Variants in AFG2A observed in about 807,000 individuals in gnomAD.
AFG2A encodes the protein AAA ATPase AFG2A.
chr4:123,232,290 A>G, the AFG2A span, among the ~76,000 whole-genome samples: 11 of 152,132 alleles, frequency 7.2e-5, no homozygotes, highest in East Asian at 2.1e-3. Context: ...GAGGCACTTC[A>G]ACTTTTAAAT....
At chr4:123,208,340 G>A in the AFG2A span, among the ~76,000 whole-genome samples, 1 of 152,146 alleles carries the variant, frequency 6.6e-6, no homozygotes, top group Non-Finnish European at 1.5e-5. Context: ...ATTCTTAGAG[G>A]AAATCATGGG....
chr4:123,065,732 CT>C, the AFG2A span, among the ~76,000 whole-genome samples: 2 of 151,922 alleles, frequency 1.3e-5, no homozygotes, highest in Non-Finnish European at 2.9e-5. Flanking sequence ...TTTTATGTAA[CT>C]TACTGAAGAA....
chr4:123,027,796 G>GCAT, the AFG2A span, among the ~76,000 whole-genome samples: 1 of 152,128 alleles, frequency 6.6e-6, no homozygotes, highest in Non-Finnish European at 1.5e-5. Context: ...CTTGGAAGTA[G>GCAT]TTTTGCTAAA....
chr4:123,044,777 TTTTTG>T, the AFG2A span, among the ~76,000 whole-genome samples: 1 of 152,138 alleles, frequency 6.6e-6, no homozygotes, highest in Non-Finnish European at 1.5e-5. Flanking sequence ...GTCATTTTTT[TTTTTG>T]TCAATCTTTT....
the AFG2A span, among the ~76,000 whole-genome samples, chr4:123,131,310 TA>T: frequency 6.6e-5 from 10 of 152,166 alleles, no homozygotes; most frequent in Admixed American, 2.6e-4. Context: ...TTTTTAAAAT[TA>T]TTTTTTTATT....
At chr4:123,002,174 C>T in the AFG2A span, among the ~76,000 whole-genome samples, 1 of 151,996 alleles carries the variant, frequency 6.6e-6, no homozygotes, top group African/African-American at 2.4e-5. Context: ...TTCCTCCATC[C>T]TTTTATTTTG....
the AFG2A span, among the ~76,000 whole-genome samples, chr4:123,292,576 C>A: frequency 2.6e-5 from 4 of 152,074 alleles, no homozygotes; most frequent in Non-Finnish European, 4.4e-5. Context: ...TTAATGTTTG[C>A]GGTATAGTCA....
At chr4:123,262,870 C>T in the AFG2A span, among the ~76,000 whole-genome samples, 2 of 152,126 alleles carry the variant, frequency 1.3e-5, no homozygotes, top group Admixed American at 6.5e-5. Context: ...GGAGGAGTAA[C>T]TCACACTACC....
chr4:123,134,735 C>T, the AFG2A span, among the ~76,000 whole-genome samples: 2 of 151,406 alleles, frequency 1.3e-5, no homozygotes, highest in Admixed American at 1.3e-4. Flanking sequence ...CTGAACAGAC[C>T]AATAATTAGT....
the AFG2A span, among the ~76,000 whole-genome samples, chr4:123,123,947 G>T: frequency 5.2e-5 from 4 of 76,768 alleles, no homozygotes; most frequent in Middle Eastern, 0.014. Context: ...GTGAAACTCC[G>T]TCTCAAAAAA....
the AFG2A span, among the ~76,000 whole-genome samples, chr4:123,190,877 T>C: frequency 6.6e-6 from 1 of 152,202 alleles, no homozygotes; most frequent in Admixed American, 6.5e-5. Context: ...AGGATTCAAC[T>C]CTTTCACTGC....
At chr4:123,314,450 T>C in the AFG2A span, 1 of 153,424 alleles carries the variant, frequency 6.5e-6, no homozygotes, top group Non-Finnish European at 1.5e-5. Context: ...TGGATAAATT[T>C]TTTGTAATCT....
At chr4:122,969,570 C>T in the AFG2A span, among the ~76,000 whole-genome samples, 6 of 152,208 alleles carry the variant, frequency 3.9e-5, no homozygotes, top group African/African-American at 1.2e-4. Context: ...ACTTTGCATT[C>T]CCATAGAAGT....
At chr4:123,035,095 C>T in the AFG2A span, among the ~76,000 whole-genome samples, 1 of 152,208 alleles carries the variant, frequency 6.6e-6, no homozygotes, top group Non-Finnish European at 1.5e-5. Context: ...GCCTGTTTCA[C>T]TGCACTTCTC....
chr4:123,195,684 C>T, the AFG2A span, among the ~76,000 whole-genome samples: 56 of 152,236 alleles, frequency 3.7e-4, no homozygotes, highest in African/African-American at 1.3e-3. Flanking sequence ...TAGTGATCTA[C>T]AAGGTATTAG....
chr4:123,134,699 C>T, the AFG2A span, among the ~76,000 whole-genome samples: 1 of 140,286 alleles, frequency 7.1e-6, no homozygotes, highest in Non-Finnish European at 1.5e-5. Context: ...TTTAACATAA[C>T]AAAACTGAAT....
the AFG2A span, among the ~76,000 whole-genome samples, chr4:122,937,498 C>A: frequency 6.6e-6 from 1 of 152,142 alleles, no homozygotes; most frequent in Non-Finnish European, 1.5e-5. Flanking sequence ...GCTCTTGAAT[C>A]AGAAAACCCA....
the AFG2A span, among the ~76,000 whole-genome samples, chr4:122,981,800 T>G: frequency 6.6e-6 from 1 of 152,050 alleles, no homozygotes; most frequent in African/African-American, 2.4e-5. Context: ...TTTTTAATTT[T>G]TTGGATAGTT....
At chr4:123,143,109 T>C in the AFG2A span, among the ~76,000 whole-genome samples, 1 of 150,894 alleles carries the variant, frequency 6.6e-6, no homozygotes. Context: ...CCAAAAAAAA[T>C]CTGAAATCTG....
Sources: gnomAD v4.1 joint callset for allele counts (sites outside exome capture counted in the v4.1 genomes callset) on GRCh38, gnomAD v4.1.1 for gene constraint, MANE v1.5 for transcripts, NCBI Gene and HGNC (gene_info 2026-07-23, HGNC 2026-07-21) for gene names.